The following MYT1L variants were observed in gnomAD, a reference collection of about 807,000 sequenced individuals.
MYT1L encodes the protein myelin transcription factor 1 like.
MYT1L carries 12 observed loss-of-function variants against 126.7 expected under a neutral mutation model. The observed-to-expected ratio is 0.09, with a 90% CI of 0.06 to 0.15. The LOEUF (loss-of-function observed/expected upper bound fraction) is 0.15, where lower values mean the gene tolerates loss of function less well. Among genes scored for constraint, MYT1L ranks in the 10% least tolerant of loss-of-function variants. MYT1L has a pLI of 1.00. For synonymous variants in MYT1L, 541 were observed against 604.2 expected (o/e 0.90, Z 1.53); for missense variants, 979 against 1,585.2 (o/e 0.62, Z 6.49).
intron 3 of MYT1L, among the ~76,000 whole-genome samples, chr2:2,102,470 CA>C (rs2078215246): frequency 6.6e-6 from 1 of 152,082 alleles, no homozygotes; most frequent in South Asian, 2.1e-4. Context: ...CCCTCTTAAA[CA>C]TATCAATATT....
At chr2:2,237,858 A>T (rs2094355865) in intron 2 of MYT1L, among the ~76,000 whole-genome samples, 1 of 152,148 alleles carries the variant, frequency 6.6e-6, no homozygotes, top group African/African-American at 2.4e-5. Context: ...TGTGAAAGCC[A>T]CAGACAGAGG....
At chr2:2,204,337 G>A (rs1476083245) in intron 2 of MYT1L, among the ~76,000 whole-genome samples, 1 of 151,120 alleles carries the variant, frequency 6.6e-6, no homozygotes, top group Non-Finnish European at 1.5e-5. Context: ...CTACAGAATG[G>A]GAGAAAATTT....
chr2:1,830,303 C>A (rs1220590469), intron 21 of MYT1L, among the ~76,000 whole-genome samples: 1 of 152,186 alleles, frequency 6.6e-6, no homozygotes, highest in Non-Finnish European at 1.5e-5. Flanking sequence ...ATGTCCTGAT[C>A]TTTAAAACAG....
At chr2:1,794,011 T>C (rs1336643757) in intron 23 of MYT1L, among the ~76,000 whole-genome samples, 2 of 152,106 alleles carry the variant, frequency 1.3e-5, no homozygotes, top group African/African-American at 4.8e-5. Context: ...AGAGATGATG[T>C]CAGTGTAAGC....
chr2:2,123,825 G>A (rs1330567290), intron 3 of MYT1L, among the ~76,000 whole-genome samples: 2 of 152,212 alleles, frequency 1.3e-5, no homozygotes, highest in African/African-American at 4.8e-5. Flanking sequence ...TCTCTGTAAG[G>A]GAAAGAGGAA....
chr2:1,995,369 G>T (rs2061749975), intron 5 of MYT1L, among the ~76,000 whole-genome samples: 1 of 152,158 alleles, frequency 6.6e-6, no homozygotes, highest in South Asian at 2.1e-4. Context: ...CTCCTGCTGG[G>T]AGTGCCCTTC....
chr2:2,146,762 T>C (rs1238098108), intron 3 of MYT1L, among the ~76,000 whole-genome samples: 1 of 152,246 alleles, frequency 6.6e-6, no homozygotes. Context: ...GATTAATCAA[T>C]GAGCTGACAC....
intron 3 of MYT1L, among the ~76,000 whole-genome samples, chr2:2,135,282 G>A (rs192606897): frequency 1.4e-3 from 218 of 152,280 alleles, no homozygotes; most frequent in Admixed American, 2.4e-3. Flanking sequence ...CAGGAGACCT[G>A]ATGGTTTTAT....
chr2:2,330,671 A>G (rs1045061973), intron 1 of MYT1L, among the ~76,000 whole-genome samples: 8 of 152,220 alleles, frequency 5.3e-5, no homozygotes, highest in South Asian at 2.1e-4. Context: ...TTGTTTCAGT[A>G]TCCTCTTATC....
intron 3 of MYT1L, among the ~76,000 whole-genome samples, chr2:2,163,670 T>G (rs2088451481): frequency 6.6e-6 from 1 of 150,720 alleles, no homozygotes; most frequent in South Asian, 2.1e-4. Flanking sequence ...AGGCGGGGCT[T>G]GCAGTGAGCC....
chr2:2,189,765 C>A (rs999125221), intron 2 of MYT1L, among the ~76,000 whole-genome samples: 3 of 151,748 alleles, frequency 2.0e-5, no homozygotes, highest in East Asian at 1.9e-4. Context: ...CGGTGAGAAG[C>A]GCATTCTCAG....
In MYT1L at chr2:1,790,611, C is replaced by T. The variant is rs1369813227; in HGVS notation, c.*1256G>A. 6.6e-6 allele frequency: 1 copy of T among 152,354 alleles called. No homozygotes were observed. Among genetic ancestry groups the T allele is most frequent in the Admixed American group, 6.5e-5 (1 of 15,288 alleles). 9.4% of individuals were successfully genotyped at this position (152,354 alleles called of 1,614,324 possible). On this transcript the variant is annotated 3_prime_UTR_variant, in exon 25 of 25. Coordinates refer to ENST00000647738, the MANE Select transcript of MYT1L (RefSeq NM_001303052.2). Reference sequence around the variant, plus strand: ...TGCAAATGCTCTATGGTCAACTGGTCTCCACCCAAGTGTAGAACAGAAACG... The same window carrying T: ...TGCAAATGCTCTATGGTCAACTGGTTTCCACCCAAGTGTAGAACAGAAACG...
At chr2:2,033,194 C>T (rs2066573581) in intron 4 of MYT1L, among the ~76,000 whole-genome samples, 1 of 148,310 alleles carries the variant, frequency 6.7e-6, no homozygotes, top group Non-Finnish European at 1.5e-5. Context: ...TTACACACAC[C>T]CCTTGCCAGT....
intron 14 of MYT1L, among the ~76,000 whole-genome samples, chr2:1,892,801 A>G (rs2049084660): frequency 6.6e-6 from 1 of 152,132 alleles, no homozygotes; most frequent in African/African-American, 2.4e-5. Flanking sequence ...TGTTCCTTTC[A>G]GCCAGAGGGG....
chr2:1,987,786 G>T (rs1448861045), intron 5 of MYT1L, among the ~76,000 whole-genome samples: 3 of 152,166 alleles, frequency 2.0e-5, no homozygotes, highest in Non-Finnish European at 4.4e-5. Flanking sequence ...TGATGCTTCT[G>T]GGGTATGTAA....
At chr2:2,201,692 T>C (rs1314651843) in intron 2 of MYT1L, among the ~76,000 whole-genome samples, 1 of 137,278 alleles carries the variant, frequency 7.3e-6, no homozygotes, top group East Asian at 2.0e-4. Context: ...AGTGAGACTC[T>C]GCCTCAAAAA....
At chr2:2,285,475 C>A (rs1397792247) in intron 1 of MYT1L, among the ~76,000 whole-genome samples, 1 of 152,178 alleles carries the variant, frequency 6.6e-6, no homozygotes, top group African/African-American at 2.4e-5. Context: ...TCAACTTTTT[C>A]TACCCACTAA....
At chr2:1,891,887 A>G in intron 15 of MYT1L, 150 bp downstream of exon 15, 2 of 1,361,292 alleles carry the variant, frequency 1.5e-6, no homozygotes, top group Middle Eastern at 2.7e-4. Context: ...GGGAAGCTGC[A>G]CTAATTGTTC....
intron 4 of MYT1L, among the ~76,000 whole-genome samples, chr2:2,051,381 T>C (rs1361967200): frequency 6.6e-6 from 1 of 152,220 alleles, no homozygotes; most frequent in African/African-American, 2.4e-5. Context: ...CCTCTGCTCC[T>C]AGTTAAGATC....
Sources: allele counts gnomAD v4.1 joint callset (sites outside exome capture counted in the v4.1 genomes callset), GRCh38; gene constraint gnomAD v4.1.1; transcripts MANE v1.5; gene names NCBI Gene and HGNC (gene_info 2026-07-23, HGNC 2026-07-21).